ATRNL1: variants seen among roughly 807,000 people sequenced by gnomAD.
ATRNL1 encodes the protein attractin-like protein 1.
ATRNL1 carries 95 observed loss-of-function variants against 182.7 expected under a neutral mutation model. That is an observed-to-expected ratio of 0.52 (90% CI 0.44 to 0.62). The LOEUF is 0.62. Ranked by LOEUF, ATRNL1 falls within the 20% of genes least tolerant of loss-of-function variation. ATRNL1 has a pLI of 0.00. For missense variants in ATRNL1, 1,471 were observed against 1,679.5 expected (o/e 0.88, Z 2.17); for synonymous variants, 576 against 568.3 (o/e 1.01, Z -0.19).
In ATRNL1 at chr10:115,911,560, C is replaced by G. The variant is rs547449135; in HGVS notation, c.4019-33098C>G. On this transcript the variant is annotated intron_variant, in intron 28 of 28. Coordinates refer to ENST00000355044, the MANE Select transcript of ATRNL1 (RefSeq NM_207303.4). ...TCCCGAACTCCTCAGGTGGTCCACCCACCTCAGCTTCCCAAAGTGCTGGGA... is the reference window on the plus strand; with the variant it reads ...TCCCGAACTCCTCAGGTGGTCCACCGACCTCAGCTTCCCAAAGTGCTGGGA... 8.6e-4 allele frequency among the ~76,000 whole-genome samples: 131 copies of G among 152,242 alleles called. 1 individual carries two copies. Among genetic ancestry groups the G allele is most frequent in the African/African-American group, 2.8e-3 (116 of 41,552 alleles).
chr10:115,497,013 G>C (rs1168628441), intron 24 of ATRNL1, among the ~76,000 whole-genome samples: 6 of 151,928 alleles, frequency 3.9e-5, no homozygotes, highest in Admixed American at 1.3e-4. Context: ...TGTAGATTTG[G>C]TTTCTTTACA....
At chr10:115,474,495 T>A (rs1219103954) in intron 24 of ATRNL1, among the ~76,000 whole-genome samples, 4 of 151,230 alleles carry the variant, frequency 2.6e-5, no homozygotes, top group African/African-American at 9.7e-5. Flanking sequence ...CTCATAAGAT[T>A]TGGGAAGTTT....
At chr10:115,492,599 AT>A (rs1849353620) in intron 24 of ATRNL1, among the ~76,000 whole-genome samples, 1 of 146,158 alleles carries the variant, frequency 6.8e-6, no homozygotes, top group Non-Finnish European at 1.5e-5. Context: ...TATATTATAT[AT>A]ATTATAATTC....
At chr10:115,793,804 A>G (rs1555082281) in intron 27 of ATRNL1, among the ~76,000 whole-genome samples, 6 of 152,092 alleles carry the variant, frequency 3.9e-5, no homozygotes. Context: ...GATAATCCCA[A>G]TGAGTGTGGG....
intron 27 of ATRNL1, among the ~76,000 whole-genome samples, chr10:115,816,807 G>A (rs1156943818): frequency 6.6e-6 from 1 of 152,088 alleles, no homozygotes; most frequent in Admixed American, 6.6e-5. Context: ...TGAGGAATGG[G>A]AGAAAGAAAA....
intron 10 of ATRNL1, among the ~76,000 whole-genome samples, chr10:115,262,374 T>C (rs903370183): frequency 2.0e-4 from 31 of 151,792 alleles, no homozygotes; most frequent in Admixed American, 7.2e-4. Flanking sequence ...CTGGAAAATA[T>C]GATATATGGG....
intron 25 of ATRNL1, among the ~76,000 whole-genome samples, chr10:115,519,966 A>G: frequency 6.6e-6 from 1 of 152,124 alleles, no homozygotes; most frequent in East Asian, 1.9e-4. Flanking sequence ...CTGGGTTAGG[A>G]GTTTAAGTTA....
chr10:115,705,240 A>G (rs1946860578), intron 26 of ATRNL1, among the ~76,000 whole-genome samples: 1 of 151,972 alleles, frequency 6.6e-6, no homozygotes, highest in Non-Finnish European at 1.5e-5. Flanking sequence ...AGAACTAAAA[A>G]TACTGTCTGT....
intron 27 of ATRNL1, among the ~76,000 whole-genome samples, chr10:115,794,158 A>T (rs1354131720): frequency 1.3e-5 from 2 of 152,092 alleles, no homozygotes; most frequent in Non-Finnish European, 2.9e-5. Context: ...GCACAAGAAA[A>T]CTCAGGCCTT....
At chr10:115,095,862 A>T (rs1428277692) in intron 1 of ATRNL1, among the ~76,000 whole-genome samples, 2 of 152,062 alleles carry the variant, frequency 1.3e-5, no homozygotes, top group Non-Finnish European at 2.9e-5. Context: ...TGCCTGATTT[A>T]TATGTAGGGA....
intron 19 of ATRNL1, among the ~76,000 whole-genome samples, chr10:115,384,434 A>T (rs1326258444): frequency 6.6e-6 from 1 of 152,018 alleles, no homozygotes; most frequent in South Asian, 2.1e-4. Flanking sequence ...TTTGGTCACA[A>T]ATATAAGGGT....
intron 28 of ATRNL1, among the ~76,000 whole-genome samples, chr10:115,935,164 A>G (rs530393869): frequency 6.6e-6 from 1 of 152,208 alleles, no homozygotes; most frequent in South Asian, 2.1e-4. Flanking sequence ...GAGCTCTTGA[A>G]TCTTTGCCCT....
At chr10:115,721,042 A>T (rs1947406569) in intron 26 of ATRNL1, among the ~76,000 whole-genome samples, 1 of 152,210 alleles carries the variant, frequency 6.6e-6, no homozygotes, top group Non-Finnish European at 1.5e-5. Flanking sequence ...TTAAAGTATC[A>T]TCTATTAGTG....
At chr10:115,407,388 C>T (rs1232614747) in intron 20 of ATRNL1, among the ~76,000 whole-genome samples, 4 of 152,076 alleles carry the variant, frequency 2.6e-5, no homozygotes, top group Non-Finnish European at 4.4e-5. Context: ...TCTTTCCCTA[C>T]ACCCTTCCCA....
intron 26 of ATRNL1, among the ~76,000 whole-genome samples, chr10:115,561,981 A>C (rs1369073539): frequency 6.6e-6 from 1 of 152,136 alleles, no homozygotes; most frequent in Non-Finnish European, 1.5e-5. Context: ...ATTCCTTGCA[A>C]TATTAATGTT....
At chr10:115,516,362 C>T (rs763754011) in intron 24 of ATRNL1, among the ~76,000 whole-genome samples, 5 of 151,782 alleles carry the variant, frequency 3.3e-5, no homozygotes, top group Admixed American at 6.6e-5. Context: ...TCCTTCAGCA[C>T]GTCTCCTCAC....
intron 9 of ATRNL1, among the ~76,000 whole-genome samples, chr10:115,218,460 T>C (rs531137092): frequency 2.0e-5 from 3 of 152,354 alleles, no homozygotes; most frequent in East Asian, 1.9e-4. Context: ...TCTTCTAGCA[T>C]GGACAAAGTC....
chr10:115,308,611 T>C (rs1316435704), intron 17 of ATRNL1, among the ~76,000 whole-genome samples: 1 of 152,166 alleles, frequency 6.6e-6, no homozygotes, highest in African/African-American at 2.4e-5. Context: ...ACTTGATCTT[T>C]TGAAAAGCCA....
chr10:115,745,130 A>ATT (rs564499651), intron 27 of ATRNL1, among the ~76,000 whole-genome samples: 6 of 150,916 alleles, frequency 4.0e-5, no homozygotes, highest in African/African-American at 1.5e-4. Flanking sequence ...TGAAAATGGA[A>ATT]CTTTTTTTTT....
Sources: gnomAD v4.1 joint callset for allele counts (sites outside exome capture counted in the v4.1 genomes callset) on GRCh38, gnomAD v4.1.1 for gene constraint, MANE v1.5 for transcripts, NCBI Gene and HGNC (gene_info 2026-07-23, HGNC 2026-07-21) for gene names.